The following CARD8 variants were observed in gnomAD, a reference collection of about 807,000 sequenced individuals.
CARD8 encodes caspase recruitment domain-containing protein 8.
A neutral mutation model predicts 53.2 loss-of-function variants in CARD8; 38 were observed. The observed-to-expected ratio is 0.71, with a 90% CI of 0.55 to 0.94. The LOEUF (loss-of-function observed/expected upper bound fraction) is 0.94. CARD8 is among the 40% of genes least tolerant of loss of function. The probability of loss-of-function intolerance (pLI) is 0.00; values close to 1 mark genes in which losing one functional copy is unlikely to be tolerated. For synonymous variants in CARD8, 245 were observed against 244.9 expected, an observed-to-expected ratio of 1.00 and a Z score of 0.00; for missense variants, 561 against 655.5, an observed-to-expected ratio of 0.86 and a Z score of 1.57.
intron 10 of CARD8, among the ~76,000 whole-genome samples, chr19:48,225,926 G>C (rs1340540460): frequency 3.9e-5 from 6 of 151,918 alleles, no homozygotes; most frequent in African/African-American, 1.2e-4. Flanking sequence ...GGTGGCGTGC[G>C]CCTATAGTCC....
chr19:48,235,226 T>C (rs1408692862), intron 5 of CARD8, among the ~76,000 whole-genome samples: 1 of 152,230 alleles, frequency 6.6e-6, no homozygotes, highest in Non-Finnish European at 1.5e-5. Context: ...GCTGTCCTCC[T>C]ATGGCTGGCA....
intron 12 of CARD8, among the ~76,000 whole-genome samples, chr19:48,217,585 T>C (rs1489378389): frequency 6.6e-6 from 1 of 150,888 alleles, no homozygotes; most frequent in East Asian, 1.9e-4. Context: ...TACAACTACA[T>C]AAAAGGTTAA....
chr19:48,227,407 C>T (rs913391486), intron 10 of CARD8, among the ~76,000 whole-genome samples: 1 of 151,894 alleles, frequency 6.6e-6, no homozygotes, highest in Non-Finnish European at 1.5e-5. Context: ...TCAGTGAAGA[C>T]AGAAAAGAGA....
chr19:48,233,652 G>A (rs1410515746), intron 6 of CARD8: 2 of 294,120 alleles, frequency 6.8e-6, no homozygotes, highest in Admixed American at 4.7e-5. Context: ...TAGAAAGTGG[G>A]AGGAACCCAG....
chr19:48,227,103 G>T (rs1344580790), intron 10 of CARD8, among the ~76,000 whole-genome samples: 2 of 141,470 alleles, frequency 1.4e-5, no homozygotes, highest in Admixed American at 1.4e-4. Context: ...AAAAAAAAAA[G>T]AAAGAAAAGA....
chr19:48,215,422 A>C, intron 12 of CARD8, 38 bp from the exon 13 acceptor site: 2 of 1,414,546 alleles, frequency 1.4e-6, no homozygotes, highest in Non-Finnish European at 2.0e-6. Flanking sequence ...GAGATGAGAT[A>C]AATCATGTAC....
chr19:48,237,749 A>C (rs2044174164), intron 5 of CARD8, among the ~76,000 whole-genome samples: 1 of 151,624 alleles, frequency 6.6e-6, no homozygotes, highest in Non-Finnish European at 1.5e-5. Flanking sequence ...GTGAGCCAAG[A>C]TCGTGCCACT....
At position 48,211,901 on chromosome 19, in the gene CARD8, G is replaced by A; in HGVS notation, c.1423C>T (p.Leu475Phe). 1 of 1,614,040 alleles carries A rather than the reference G, an allele frequency of 6.2e-7. No individual in the cohort carries two copies. The highest frequency in any genetic ancestry group is 8.5e-7 in the Non-Finnish European group (1 of 1,179,974). The change falls in exon 14 of 14, where the codon CTC (leucine) becomes TTC (phenylalanine). Residue 475 changes from leucine to phenylalanine, a missense_variant. By Grantham distance (22) the Leu-to-Phe change is conservative. Transcript: ENST00000651546. ...TCAGTAAGAACCTCATTGTCTTGGA[G>A]ATCATCGAGCACCCCTTTCAGGTCC... ...MGDLKGVLDD[L>F]QDNEVLTENE... is the part of the protein sequence containing the mutation.
downstream of CARD8, among the ~76,000 whole-genome samples, chr19:48,207,743 T>TGTTTTTG (rs781277588): frequency 1.6e-5 from 1 of 63,726 alleles, no homozygotes; most frequent in African/African-American, 4.6e-5. Flanking sequence ...TGTTTTTTTT[T>TGTTTTTG]TTTTTTTTTT....
In CARD8 at chr19:48,234,413, C is replaced by A. The variant is rs1484995643; in HGVS notation, c.340G>T (p.Asp114Tyr). The part of the protein sequence containing the change: ...AVPECQLSGG[D>Y]IPSVSEEQES... The stretch of plus-strand genomic sequence containing the variant: ...AATAGCTTTTCTTACCTGGGAATGT[C>A]CCCCCCAGATAGTTGACACTCAGGA... The change falls in exon 6 of 14, where the codon GAC becomes TAC. Residue 114 changes from aspartate (D) to tyrosine (Y), a missense_variant. Asp to Tyr is a radical substitution (Grantham distance 160). Coordinates refer to ENST00000651546, the MANE Select transcript of CARD8 (RefSeq NM_001184900.3). 5 of 1,605,958 alleles carry A rather than the reference C, an allele frequency of 3.1e-6. No homozygotes were observed. Among genetic ancestry groups the A allele is most frequent in the South Asian group, 1.1e-5 (1 of 90,120 alleles).
At chr19:48,250,149 C>T (rs1468339753) in intron 1 of CARD8, among the ~76,000 whole-genome samples, 1 of 152,060 alleles carries the variant, frequency 6.6e-6, no homozygotes, top group Non-Finnish European at 1.5e-5. Flanking sequence ...TGAAAGCTTC[C>T]TAAAGGAAAC....
chr19:48,207,732 C>CTGGTTTTTTTTTTTT, downstream of CARD8, among the ~76,000 whole-genome samples: 1 of 91,270 alleles, frequency 1.1e-5, no homozygotes, highest in East Asian at 3.4e-4. Flanking sequence ...TGTTGTTTTT[C>CTGGTTTTTTTTTTTT]TGTTTTTTTT....
intron 12 of CARD8, among the ~76,000 whole-genome samples, chr19:48,217,179 G>A (rs1300661744): frequency 1.3e-5 from 2 of 152,048 alleles, no homozygotes; most frequent in Admixed American, 1.3e-4. Flanking sequence ...ATGAAGCTTC[G>A]CCTGCTCACC....
At chr19:48,206,677 G>A (rs1257631009), downstream of CARD8, among the ~76,000 whole-genome samples, 1 of 151,052 alleles carries the variant, frequency 6.6e-6, no homozygotes, top group Non-Finnish European at 1.5e-5. Context: ...CTGCAGTCAG[G>A]GGCTCTTGAG....
At chr19:48,235,228 T>A (rs1398348322) in intron 5 of CARD8, among the ~76,000 whole-genome samples, 2 of 152,212 alleles carry the variant, frequency 1.3e-5, no homozygotes, top group Non-Finnish European at 2.9e-5. Context: ...TGTCCTCCTA[T>A]GGCTGGCAGG....
chr19:48,222,985 A>G (rs2040985549), intron 10 of CARD8, among the ~76,000 whole-genome samples: 1 of 152,254 alleles, frequency 6.6e-6, no homozygotes, highest in South Asian at 2.1e-4. Context: ...GAAAATTATG[A>G]AGCAATAAAT....
At chr19:48,227,740 T>C (rs2042067689) in intron 10 of CARD8, among the ~76,000 whole-genome samples, 1 of 149,164 alleles carries the variant, frequency 6.7e-6, no homozygotes, top group Admixed American at 6.7e-5. Flanking sequence ...GAAGCAGAGG[T>C]TGCAGTGGGC....
At chr19:48,227,802 C>CA (rs35853514) in intron 10 of CARD8, among the ~76,000 whole-genome samples, 45 of 130,432 alleles carry the variant, frequency 3.5e-4, no homozygotes, top group Middle Eastern at 3.8e-3. Context: ...GACTCCATCA[C>CA]AAAAAAAAAA....
chr19:48,231,571 G>T (rs541546264), intron 8 of CARD8, 89 bp downstream of exon 8: 2 of 1,342,210 alleles, frequency 1.5e-6, no homozygotes, highest in African/African-American at 2.9e-5. Context: ...CCAAAGTGCC[G>T]AGATTACAGG....
Sources: allele counts gnomAD v4.1 joint callset (sites outside exome capture counted in the v4.1 genomes callset), GRCh38; gene constraint gnomAD v4.1.1; transcripts MANE v1.5; gene names NCBI Gene and HGNC (gene_info 2026-07-23, HGNC 2026-07-21).